ZNF557: variants seen among roughly 807,000 people sequenced by gnomAD.
The protein encoded by ZNF557 is CTB-25J19.9.
ZNF557 carries 19 observed loss-of-function variants against 21.2 expected under a neutral mutation model. That is an observed-to-expected ratio of 0.90 (90% CI 0.63 to 1.32). The LOEUF is 1.32. Among genes scored for constraint, ZNF557 ranks in the 40% most tolerant of loss-of-function variants. The probability of loss-of-function intolerance (pLI) is 0.00; values close to 1 mark genes in which losing one functional copy is unlikely to be tolerated. For synonymous variants in ZNF557, 207 were observed against 194.8 expected (o/e 1.06, Z -0.52); for missense variants, 487 against 519.8 (o/e 0.94, Z 0.61).
rs1385746205 is a variant in ZNF557 at position 7,085,671 on chromosome 19, G to A, written c.*1927G>A. 6.6e-6 allele frequency: 1 copy of A among 152,134 alleles called. No individual in the cohort carries two copies. Among genetic ancestry groups the A allele is most frequent in the Non-Finnish European group, 1.5e-5 (1 of 68,022 alleles). 9.4% of individuals were successfully genotyped at this position (152,134 alleles called of 1,614,324 possible). ...TGTTAGGATGCCTCATCTCTTAACT[G>A]AGTGGCCACGCAGTAACTTAGAACA... On this transcript the variant is annotated 3_prime_UTR_variant, in exon 8 of 8. Coordinates refer to ENST00000252840, the MANE Select transcript of ZNF557 (RefSeq NM_024341.3).
chr19:7,082,765 TTAATTCCAATAC>T (rs1977739325), intron 7 of ZNF557, 101 bp from the exon 8 acceptor site: 8 of 1,119,068 alleles, frequency 7.1e-6, no homozygotes, highest in Non-Finnish European at 9.8e-6. Context: ...GGCAAAAACA[TTAATTCCAATAC>T]TATGATACAC....
At chr19:7,079,433 G>T (rs1977653383) in intron 5 of ZNF557, among the ~76,000 whole-genome samples, 4 of 67,984 alleles carry the variant, frequency 5.9e-5, no homozygotes, top group East Asian at 7.2e-4. Flanking sequence ...AGTAGAGACA[G>T]GGTTCACCGT....
At chr19:7,071,200 AAG>A (rs1350237773) in intron 2 of ZNF557, among the ~76,000 whole-genome samples, 1 of 152,174 alleles carries the variant, frequency 6.6e-6, no homozygotes. Flanking sequence ...CACTATTTAA[AAG>A]TTTTTTTTTC....
rs1400529636 is a variant in ZNF557, at chr19:7,087,330, G to C, written c.*3586G>C. ...CCAAGGCAGGCGGATCACCTGAGGT[G>C]GGGAGTTCGAGACCAGCCTGATCAA... is the stretch of plus-strand genomic sequence containing the variant. On this transcript the variant is annotated 3_prime_UTR_variant, in exon 8 of 8. Transcript: ENST00000252840. 2.0e-5 allele frequency: 3 copies of C among 149,616 alleles called. No homozygotes were observed. Among genetic ancestry groups the C allele is most frequent in the African/African-American group, 7.4e-5 (3 of 40,510 alleles). 9.3% of individuals were successfully genotyped at this position (149,616 alleles called of 1,614,324 possible). A position where few individuals can be genotyped will look rare whatever the true frequency, so the allele number is the denominator to read the frequency against.
Position 7,084,038 on chromosome 19 carries a change from G to A in ZNF557, c.*294G>A, listed in dbSNP as rs1977780778. 1.2e-5 allele frequency: 4 copies of A among 325,982 alleles called. No individual in the cohort carries two copies. Among genetic ancestry groups the A allele is most frequent in the South Asian group, 1.1e-4 (3 of 27,724 alleles). The allele number at this position is 325,982 out of a possible 1,614,324, so 20.2% of individuals were successfully genotyped here. ...GGGACCACTTCCAAATGGCTTACAA[G>A]CCCGACAAGTGCATGCTAGCTGTTT... On this transcript the variant is annotated 3_prime_UTR_variant, in exon 8 of 8. Coordinates refer to ENST00000252840, the MANE Select transcript of ZNF557 (RefSeq NM_024341.3).
rs375956771 is a variant in ZNF557 at position 7,082,855 on chromosome 19, T to A, written c.427-23T>A. 48 of 1,532,456 alleles carry A rather than the reference T, an allele frequency of 3.1e-5. No homozygotes were observed. In the African/African-American group the frequency reaches 6.7e-4, roughly 21 times the overall value. The allele number at this position is 1,532,456 out of a possible 1,614,324, so 94.9% of individuals were successfully genotyped here. A position where few individuals can be genotyped will look rare whatever the true frequency, so the allele number is the denominator to read the frequency against. The stretch of plus-strand genomic sequence containing the variant: ...TGTTAAAAATATTATAAATGGTACT[T>A]ATTGTCATCTCTTAATCAATAGGAG... On this transcript the variant is annotated intron_variant, in intron 7 of 7. Transcript: ENST00000252840.
At chr19:7,071,594 A>G (rs1977458824) in intron 2 of ZNF557, among the ~76,000 whole-genome samples, 1 of 152,166 alleles carries the variant, frequency 6.6e-6, no homozygotes, top group Non-Finnish European at 1.5e-5. Context: ...CTGTAATCCC[A>G]GAACTTTGGG....
chr19:7,071,901 C>G (rs539045330), intron 2 of ZNF557, among the ~76,000 whole-genome samples: 1 of 145,550 alleles, frequency 6.9e-6, no homozygotes, highest in African/African-American at 2.6e-5. Context: ...GTCAGGAGAT[C>G]GAGACCATCC....
chr19:7,082,138 A>C, intron 7 of ZNF557, 86 bp downstream of exon 7: 1 of 1,070,510 alleles, frequency 9.3e-7, no homozygotes, highest in South Asian at 1.3e-5. Context: ...CTTGTTGGCC[A>C]GGCACAGTGG....
rs1977765520 is a variant in ZNF557 at position 7,083,490 on chromosome 19, C to T, written c.1039C>T (p.Pro347Ser). ...CATAAGAACTCATACTGGAGAAAAA[C>T]CCTACACATGTAATGAGTGTGGGAA... ...QHIRTHTGEK[P>S]YTCNECGKSF... is the part of the protein sequence containing the mutation. The change falls in exon 8 of 8, where the codon CCC becomes TCC. Residue 347 changes from proline (P) to serine (S), a missense_variant. Pro to Ser is a moderately conservative substitution (Grantham distance 74, BLOSUM62 -1). Transcript: ENST00000252840. The T allele has an allele frequency of 3.1e-6, 5 of 1,614,200 alleles. No individual in the cohort carries two copies. Among genetic ancestry groups the T allele is most frequent in the Non-Finnish European group, 4.2e-6 (5 of 1,180,034 alleles).
rs1411795627 is a variant in ZNF557 at position 7,084,005 on chromosome 19, C to A, written c.*261C>A. The A allele has an allele frequency of 1.5e-5, 6 of 402,192 alleles. No individual in the cohort carries two copies. The highest frequency in any genetic ancestry group is 1.0e-4 in the African/African-American group (5 of 48,530). The allele number at this position is 402,192 out of a possible 1,614,324, so 24.9% of individuals were successfully genotyped here. A position where few individuals can be genotyped will look rare whatever the true frequency, so the allele number is the denominator to read the frequency against. On this transcript the variant is annotated 3_prime_UTR_variant, in exon 8 of 8. Transcript: ENST00000252840. The stretch of plus-strand genomic sequence containing the variant: ...GAACTGTAATCATCCAGAATTGTTA[C>A]TGGTGAAGGGACCACTTCCAAATGG...
chr19:7,074,379 AAG>A (rs1209792369), intron 2 of ZNF557, among the ~76,000 whole-genome samples: 5 of 149,206 alleles, frequency 3.4e-5, no homozygotes, highest in Non-Finnish European at 7.5e-5. Flanking sequence ...TCTCATAAAA[AAG>A]GAAACATTCC....
At position 7,084,337 on chromosome 19, in the gene ZNF557, A is replaced by G. The variant is rs918172755; in HGVS notation, c.*593A>G. 9.8e-5 allele frequency: 15 copies of G among 152,608 alleles called. No individual in the cohort carries two copies. Among genetic ancestry groups the G allele is most frequent in the Non-Finnish European group, 5.8e-5 (4 of 68,530 alleles). 9.5% of individuals were successfully genotyped at this position (152,608 alleles called of 1,614,324 possible). A position where few individuals can be genotyped will look rare whatever the true frequency, so the allele number is the denominator to read the frequency against. ...ACTTGCCATGAAATCAGTGGAGGAA[A>G]GCCTTCAGCTGACCCTCATTTTTTT... On this transcript the variant is annotated 3_prime_UTR_variant, in exon 8 of 8. Transcript: ENST00000252840.
rs944886095 is a variant in ZNF557 at position 7,086,261 on chromosome 19, T to C, written c.*2517T>C. 2.1e-5 allele frequency: 3 copies of C among 141,570 alleles called. No homozygotes were observed. Among genetic ancestry groups the C allele is most frequent in the Non-Finnish European group, 4.6e-5 (3 of 65,316 alleles). 8.8% of individuals were successfully genotyped at this position (141,570 alleles called of 1,614,324 possible). On this transcript the variant is annotated 3_prime_UTR_variant, in exon 8 of 8. Transcript: ENST00000252840. ...AAAAAAAATCAGACAATATTTGATA[T>C]ATTTTTTTCTAATTTAATAGTATTT...
Position 7,074,020 on chromosome 19 carries a change from A to G in ZNF557, c.-79-976A>G, listed in dbSNP as rs558414412. Among the ~76,000 whole-genome samples, 11 of 143,026 alleles carry G rather than the reference A, an allele frequency of 7.7e-5. No homozygotes were observed. The East Asian group carries it at 2.3e-3, about 29-fold the overall frequency. The allele number at this position is 143,026 out of a possible 152,430, so 93.8% of individuals were successfully genotyped here. ...TTGACCACTTTTTTTTTTTTTTTCCAAATGGAGTGTTGCTCTGTTGCCCAG... is the reference window on the plus strand; with the variant it reads ...TTGACCACTTTTTTTTTTTTTTTCCGAATGGAGTGTTGCTCTGTTGCCCAG... On this transcript the variant is annotated intron_variant, in intron 2 of 7. Transcript: ENST00000252840.
chr19:7,072,316 C>A (rs767707581), intron 2 of ZNF557, among the ~76,000 whole-genome samples: 1 of 151,466 alleles, frequency 6.6e-6, no homozygotes, highest in Admixed American at 6.6e-5. Flanking sequence ...CCCAGCTACT[C>A]GGGAGGCTGA....
chr19:7,071,204 T>G (rs570314498), intron 2 of ZNF557, among the ~76,000 whole-genome samples: 1 of 152,292 alleles, frequency 6.6e-6, no homozygotes, highest in South Asian at 2.1e-4. Flanking sequence ...ATTTAAAAGT[T>G]TTTTTTTCAA....
intron 7 of ZNF557, 98 bp downstream of exon 7, chr19:7,082,150 TC>T: frequency 3.2e-6 from 3 of 933,792 alleles, no homozygotes; most frequent in Non-Finnish European, 5.0e-6. Flanking sequence ...GCACAGTGGC[TC>T]ATGCCTTTAA....
chr19:7,081,141 T>C (rs1977689289), intron 5 of ZNF557, among the ~76,000 whole-genome samples: 1 of 148,922 alleles, frequency 6.7e-6, no homozygotes, highest in Admixed American at 6.8e-5. Context: ...CCCTAGATAT[T>C]GCTTGTGGGG....
Sources: gnomAD v4.1 joint callset for allele counts (sites outside exome capture counted in the v4.1 genomes callset) on GRCh38, gnomAD v4.1.1 for gene constraint, MANE v1.5 for transcripts, NCBI Gene and HGNC (gene_info 2026-07-23, HGNC 2026-07-21) for gene names.